DNAJC2: variants seen among roughly 807,000 people sequenced by gnomAD.
DNAJC2 encodes dnaJ homolog subfamily C member 2.
In DNAJC2, 32 loss-of-function variants were observed where a neutral mutation model predicts 94.0. The observed-to-expected ratio is 0.34, with a 90% CI of 0.26 to 0.46. The LOEUF (loss-of-function observed/expected upper bound fraction) is 0.46. Ranked by LOEUF, DNAJC2 falls within the 20% of genes least tolerant of loss-of-function variation. DNAJC2 has a pLI of 1.00. For missense variants in DNAJC2, 550 were observed against 719.5 expected (o/e 0.76, Z 2.69); for synonymous variants, 210 against 229.7 (o/e 0.91, Z 0.77).
rs770843439 is a variant in DNAJC2 at position 103,315,742 on chromosome 7, C to T, written c.1636+22G>A. The T allele has an allele frequency of 6.5e-6, 10 of 1,530,154 alleles. No homozygotes were observed. The African/African-American group carries it at 8.2e-5, about 13-fold the overall frequency. 94.8% of individuals were successfully genotyped at this position (1,530,154 alleles called of 1,614,324 possible). ...ACAGATACATGGCTAGCATTTTCTA[C>T]GTTTAGAAAAGCAAAATTTACCTTC... is the stretch of plus-strand genomic sequence containing the variant. On this transcript the variant is annotated intron_variant, in intron 15 of 16. Coordinates refer to ENST00000379263, the MANE Select transcript of DNAJC2 (RefSeq NM_014377.3).
In DNAJC2 at chr7:103,326,694, A is replaced by G. The variant is rs774154875; in HGVS notation, c.431-10T>C. 32 of 1,597,966 alleles carry G rather than the reference A, an allele frequency of 2.0e-5. No individual in the cohort carries two copies. The highest frequency in any genetic ancestry group is 2.6e-6 in the Non-Finnish European group (3 of 1,175,256). ...GATAACATTTCATAAGCTGAGAAAA[A>G]AATTGTTAAGATCACATCACCATAA... On this transcript the variant is annotated splice_polypyrimidine_tract_variant and intron_variant, in intron 4 of 16. Transcript: ENST00000379263.
chr7:103,337,812 C>A lies in DNAJC2; in HGVS notation c.256-1G>T. The A allele has an allele frequency of 6.2e-7, 1 of 1,609,914 alleles. No individual in the cohort carries two copies. The highest frequency in any genetic ancestry group is 1.7e-5 in the Admixed American group (1 of 59,232). ...CAAGAACTGCATAATGATCTTGGTT[C>A]TGGAAAAAAAACACAAAAGGGAGTC... On this transcript the variant is annotated splice_acceptor_variant, in intron 2 of 16. Transcript: ENST00000379263. LOFTEE classifies it high-confidence loss of function.
chr7:103,335,420 G>T (rs1383603973), intron 3 of DNAJC2: 2 of 152,088 alleles, frequency 1.3e-5, no homozygotes, highest in African/African-American at 2.4e-5. Flanking sequence ...TATTCCACAA[G>T]GGTGGTAGAG....
At chr7:103,342,769 C>A (rs1217535111) in intron 1 of DNAJC2, among the ~76,000 whole-genome samples, 1 of 151,564 alleles carries the variant, frequency 6.6e-6, no homozygotes, top group Admixed American at 6.6e-5. Context: ...CCACCACCCC[C>A]GGCTAATTTT....
intron 5 of DNAJC2, among the ~76,000 whole-genome samples, chr7:103,325,248 A>G (rs1188287251): frequency 6.6e-6 from 1 of 152,212 alleles, no homozygotes; most frequent in Non-Finnish European, 1.5e-5. Context: ...GTTTGAGACC[A>G]GTCTGGCCAA....
At chr7:103,313,708 A>G (rs1266567957) in intron 15 of DNAJC2, 6 of 985,308 alleles carry the variant, frequency 6.1e-6, no homozygotes, top group Non-Finnish European at 7.2e-6. Context: ...GAACACTTCC[A>G]ATAACTGCTA....
rs746540345 is a variant in DNAJC2 at position 103,312,641 on chromosome 7, T to C, written c.1794A>G (p.Glu598=). The change falls in exon 17 of 17, where the codon GAA becomes GAG. Residue 598 remains glutamate (E), a splice_region_variant and synonymous_variant. Coordinates refer to ENST00000379263, the MANE Select transcript of DNAJC2 (RefSeq NM_014377.3). ...TKKDCMKRYK[E]LVEMVKAKKA... is the part of the protein sequence containing the mutation. ...TCTTTGCTTTTACCATCTCGACAAG[T>C]TCCTAGGAAGGGAGAAAGGTGTGAT... The C allele has an allele frequency of 6.2e-7, 1 of 1,613,070 alleles. No individual in the cohort carries two copies. The highest frequency in any genetic ancestry group is 8.5e-7 in the Non-Finnish European group (1 of 1,179,708).
chr7:103,330,292 AT>A (rs943691004), intron 3 of DNAJC2, among the ~76,000 whole-genome samples: 32 of 147,858 alleles, frequency 2.2e-4, no homozygotes, highest in Non-Finnish European at 2.0e-4. Flanking sequence ...TTGTTATTTT[AT>A]TTTTTTTTTT....
chr7:103,333,750 G>T (rs568045854), intron 3 of DNAJC2, among the ~76,000 whole-genome samples: 1 of 152,296 alleles, frequency 6.6e-6, no homozygotes, highest in South Asian at 2.1e-4. Flanking sequence ...GTAACTTACA[G>T]TATGCCTATG....
chr7:103,341,997 GAATA>G, intron 1 of DNAJC2, 43 bp from the exon 2 acceptor site: 1 of 1,376,026 alleles, frequency 7.3e-7, no homozygotes, highest in Non-Finnish European at 9.7e-7. Flanking sequence ...GTATCGCATG[GAATA>G]AATATGTTTC....
chr7:103,321,973 C>T lies in DNAJC2; in HGVS notation c.1042G>A (p.Ala348Thr). The T allele has an allele frequency of 6.2e-7, 1 of 1,613,854 alleles. No homozygotes were observed. The highest frequency in any genetic ancestry group is 8.5e-7 in the Non-Finnish European group (1 of 1,179,856). ...AKKEKDIQKK[A>T]IKKERQKLRN... Reference sequence around the variant, plus strand: ...AGTTTTTGCCTTTCCTTCTTAATGGCTTTTTTCTGGATATCTTTTTCCTTC... The same window carrying T: ...AGTTTTTGCCTTTCCTTCTTAATGGTTTTTTTCTGGATATCTTTTTCCTTC... Residue 348 changes from alanine to threonine, a missense_variant, in exon 10 of 17, where the codon GCC becomes ACC. By Grantham distance (58) the Ala-to-Thr change is moderately conservative. This residue lies in a region of DNAJC2 where 279 missense variants were observed against 416.9 expected (regional missense o/e 0.67). Coordinates refer to ENST00000379263, the MANE Select transcript of DNAJC2 (RefSeq NM_014377.3).
chr7:103,328,165 A>G (rs969553874), intron 3 of DNAJC2, among the ~76,000 whole-genome samples: 1 of 151,228 alleles, frequency 6.6e-6, no homozygotes, highest in Non-Finnish European at 1.5e-5. Context: ...CAGGTGATCC[A>G]CCCGCCTCGG....
chr7:103,337,457 T>G (rs1467980258), intron 3 of DNAJC2: 1 of 300,132 alleles, frequency 3.3e-6, no homozygotes, highest in Non-Finnish European at 6.1e-6. Flanking sequence ...GAAGTATTAT[T>G]TTTTAAAAGC....
intron 12 of DNAJC2, 84 bp downstream of exon 12, chr7:103,319,525 G>A (rs1383410973): frequency 1.6e-6 from 2 of 1,237,286 alleles, no homozygotes; most frequent in Non-Finnish European, 2.4e-6. Context: ...CCCTGCACTT[G>A]GTGACTTATA....
At chr7:103,312,888 C>G in intron 16 of DNAJC2, 59 bp downstream of exon 16, 14 of 1,566,410 alleles carry the variant, frequency 8.9e-6, no homozygotes, top group Non-Finnish European at 1.2e-5. Context: ...AAAATATGAG[C>G]TATATCACCC....
chr7:103,314,016 AAAG>A, intron 15 of DNAJC2: 2 of 985,408 alleles, frequency 2.0e-6, no homozygotes, highest in Non-Finnish European at 2.4e-6. Flanking sequence ...CTTCCCAATT[AAAG>A]AAGGAAAAAC....
intron 3 of DNAJC2, among the ~76,000 whole-genome samples, chr7:103,332,124 C>T (rs1487218211): frequency 6.6e-6 from 1 of 151,918 alleles, no homozygotes; most frequent in Non-Finnish European, 1.5e-5. Context: ...CCTGCCTCAG[C>T]CTCCCGAGTA....
At chr7:103,329,004 C>G in intron 3 of DNAJC2, 1 of 1,275,800 alleles carries the variant, frequency 7.8e-7, no homozygotes, top group Non-Finnish European at 1.0e-6. Flanking sequence ...CTATTTCATA[C>G]TCCTACGTGA....
chr7:103,342,864 T>G (rs935598415), intron 1 of DNAJC2, among the ~76,000 whole-genome samples: 55 of 152,208 alleles, frequency 3.6e-4, no homozygotes, highest in African/African-American at 1.3e-3. Context: ...CACCTCGGCC[T>G]GCCAAAATGC....
Sources: allele counts gnomAD v4.1 joint callset (sites outside exome capture counted in the v4.1 genomes callset), GRCh38; gene constraint gnomAD v4.1.1; regional missense constraint gnomAD v4.1.1; transcripts MANE v1.5; gene names NCBI Gene and HGNC (gene_info 2026-07-23, HGNC 2026-07-21).